Variants in MORN1 observed in about 807,000 individuals in gnomAD.
The protein encoded by MORN1 is MORN repeat containing 1.
In MORN1, 67 loss-of-function variants were observed where a neutral mutation model predicts 61.9. The ratio of observed to expected loss-of-function variants is 1.08; its 90% confidence interval spans 0.89 to 1.33. The LOEUF (loss-of-function observed/expected upper bound fraction) is 1.33, where lower values mean the gene tolerates loss of function less well. Among genes scored for constraint, MORN1 ranks in the 40% most tolerant of loss-of-function variants. The pLI is 0.00. For synonymous variants in MORN1, 301 were observed against 292.0 expected (o/e 1.03, Z -0.31); for missense variants, 752 against 691.2 (o/e 1.09, Z -0.99).
intron 10 of MORN1, among the ~76,000 whole-genome samples, chr1:2,349,780 T>C (rs1023650892): frequency 4.6e-5 from 7 of 152,160 alleles, no homozygotes; most frequent in African/African-American, 1.2e-4. Context: ...ACAATCACGA[T>C]TGATTCTTCA....
At chr1:2,384,879 G>A (rs1642454428) in intron 6 of MORN1, 99 bp downstream of exon 6, 1 of 1,032,996 alleles carries the variant, frequency 9.7e-7, no homozygotes, top group African/African-American at 1.6e-5. Context: ...CTGGCACATG[G>A]AGAAGCTGCC....
At chr1:2,322,597 C>T (rs917972868) in intron 13 of MORN1, 72 of 984,692 alleles carry the variant, frequency 7.3e-5, no homozygotes, top group Non-Finnish European at 8.6e-5. Flanking sequence ...GCCAGGGGGA[C>T]ACACGTTCTG....
chr1:2,321,684 C>T (rs1482282677), intron 13 of MORN1, 105 bp from the exon 14 acceptor site: 8 of 1,356,420 alleles, frequency 5.9e-6, no homozygotes, highest in Admixed American at 6.7e-5. Context: ...CCCTGTGCCC[C>T]CGACCCTGGT....
At chr1:2,351,774 C>T in intron 10 of MORN1, 2 of 561,380 alleles carry the variant, frequency 3.6e-6, no homozygotes, top group South Asian at 1.5e-5. Flanking sequence ...CTTGAAGGTG[C>T]CAATGAAGAC....
intron 12 of MORN1, among the ~76,000 whole-genome samples, chr1:2,327,127 A>AGAAAC (rs1641044261): frequency 7.2e-6 from 1 of 139,640 alleles, no homozygotes; most frequent in African/African-American, 3.0e-5. Context: ...CACAGAAACA[A>AGAAAC]ACACAGAAAC....
chr1:2,321,487 T>G lies in MORN1; in HGVS notation c.1390A>C (p.Lys464Gln), dbSNP rs1435096283. The G allele has an allele frequency of 1.2e-5, 18 of 1,529,466 alleles. No homozygotes were observed. The highest frequency in any genetic ancestry group is 1.2e-5 in the Non-Finnish European group (14 of 1,138,252). The allele number at this position is 1,529,466 out of a possible 1,614,324, so 94.7% of individuals were successfully genotyped here. A position where few individuals can be genotyped will look rare whatever the true frequency, so the allele number is the denominator to read the frequency against. ...PAFKHLRVVA[K>Q]RAGQPPHVLE... ...ACATGGGGTGGCTGGCCAGCCCTCT[T>G]CGCTACGACCCGCAGGTGTTTGAAG... Residue 464 changes from lysine (K) to glutamine (Q), a missense_variant, in exon 14 of 14, where the codon AAG becomes CAG. Lys to Gln is a moderately conservative substitution (Grantham distance 53). Coordinates refer to ENST00000378531, the MANE Select transcript of MORN1 (RefSeq NM_024848.3).
chr1:2,386,416 TTTTG>T (rs1380591367), intron 4 of MORN1: 6 of 155,984 alleles, frequency 3.8e-5, no homozygotes, highest in African/African-American at 7.3e-5. Flanking sequence ...TTTCTGCTTC[TTTTG>T]TTTTTTTTGT....
intron 12 of MORN1, among the ~76,000 whole-genome samples, chr1:2,331,670 T>C (rs575253103): frequency 1.3e-5 from 2 of 152,268 alleles, no homozygotes; most frequent in African/African-American, 4.8e-5. Flanking sequence ...GAACCTTGGC[T>C]CCTCTTTCCT....
chr1:2,387,394 C>T (rs1642529322), intron 4 of MORN1, 25 bp downstream of exon 4: 6 of 1,562,064 alleles, frequency 3.8e-6, no homozygotes, highest in South Asian at 3.3e-5. Context: ...ACCCTCACAG[C>T]ACCCGGCTCC....
chr1:2,331,235 C>T (rs1329929281), intron 12 of MORN1, among the ~76,000 whole-genome samples: 1 of 152,186 alleles, frequency 6.6e-6, no homozygotes, highest in Non-Finnish European at 1.5e-5. Flanking sequence ...GCAGGAGCCC[C>T]TCGTGCAGCC....
At chr1:2,370,502 A>G (rs528924975) in intron 8 of MORN1, among the ~76,000 whole-genome samples, 8 of 152,282 alleles carry the variant, frequency 5.3e-5, no homozygotes, top group African/African-American at 1.9e-4. Context: ...ACTTCAGCAA[A>G]ATGAAAAACT....
At position 2,345,845 on chromosome 1, in the gene MORN1, ACACACACACAG is replaced by A. The variant is rs1053558932; in HGVS notation, c.1037-9006_1037-8996del. Reference sequence around the variant, plus strand: ...TGTATGCGGCCACACACACACACACACACACACACAGATGTTTGCTCTTATCTCTATGACGC... The same window carrying A: ...TGTATGCGGCCACACACACACACACAATGTTTGCTCTTATCTCTATGACGC... On this transcript the variant is annotated intron_variant, in intron 10 of 13. Coordinates refer to ENST00000378531, the MANE Select transcript of MORN1 (RefSeq NM_024848.3). 1.7e-4 allele frequency among the ~76,000 whole-genome samples: 24 copies of A among 144,148 alleles called. 1 individual carries two copies. The highest frequency in any genetic ancestry group is 1.1e-3 in the South Asian group (5 of 4,530). The allele number at this position is 144,148 out of a possible 152,430, so 94.6% of individuals were successfully genotyped here.
At chr1:2,329,155 G>C (rs1298530451) in intron 12 of MORN1, among the ~76,000 whole-genome samples, 1 of 152,100 alleles carries the variant, frequency 6.6e-6, no homozygotes. Flanking sequence ...GCCGGTGTGG[G>C]TGTGCGAAGA....
chr1:2,342,867 A>ATTTTATTTTAT (rs370414567), intron 10 of MORN1, among the ~76,000 whole-genome samples: 32 of 101,126 alleles, frequency 3.2e-4, no homozygotes, highest in Non-Finnish European at 5.8e-4. Context: ...ATTTTATTTT[A>ATTTTATTTTAT]TTTATTTTAT....
chr1:2,336,510 CCTGGGGTGCAGGCCGCCT>C lies in MORN1; in HGVS notation c.1191_1208del (p.Gly399_Gly404del), dbSNP rs777051080. 3.7e-6 allele frequency: 6 copies of C among 1,612,780 alleles called. No individual in the cohort carries two copies. The highest frequency in any genetic ancestry group is 5.1e-6 in the Non-Finnish European group (6 of 1,179,834). ...GCTCCTGTGCCGTGGGTGGTGTCCC[CCTGGGGTGCAGGCCGCCT>C]CTGGATCTGCCGCCTGCCTTCTAGA... On this transcript the variant is annotated inframe_deletion, in exon 12 of 14. Transcript: ENST00000378531.
intron 3 of MORN1, chr1:2,387,903 G>C (rs1192146268): frequency 2.4e-6 from 1 of 422,044 alleles, no homozygotes; most frequent in African/African-American, 2.0e-5. Flanking sequence ...GAGGGTCTGA[G>C]GTTCCTGGAC....
intron 10 of MORN1, among the ~76,000 whole-genome samples, chr1:2,353,219 G>A (rs1032681016): frequency 6.6e-6 from 1 of 152,266 alleles, no homozygotes; most frequent in Non-Finnish European, 1.5e-5. Context: ...TTTTGAGAAT[G>A]CGAAGTTCAT....
At chr1:2,327,451 G>A (rs6686269) in intron 12 of MORN1, among the ~76,000 whole-genome samples, 1,510 of 150,330 alleles carry the variant, frequency 0.01, 30 homozygotes, top group East Asian at 0.034. Context: ...CAGAAACACA[G>A]CAACACAAAC....
At chr1:2,328,036 G>C (rs986469760) in intron 12 of MORN1, among the ~76,000 whole-genome samples, 1 of 152,274 alleles carries the variant, frequency 6.6e-6, no homozygotes, top group Non-Finnish European at 1.5e-5. Context: ...AGCGGCATCA[G>C]AGAGGCCTTG....
Sources: gnomAD v4.1 joint callset for allele counts (sites outside exome capture counted in the v4.1 genomes callset) on GRCh38, gnomAD v4.1.1 for gene constraint, MANE v1.5 for transcripts, NCBI Gene and HGNC (gene_info 2026-07-23, HGNC 2026-07-21) for gene names.